The following ITGAV variants were observed in gnomAD, a reference collection of about 807,000 sequenced individuals.
The protein encoded by ITGAV is integrin subunit alpha V.
In ITGAV, 76 loss-of-function variants were observed where a neutral mutation model predicts 143.8. The ratio of observed to expected loss-of-function variants is 0.53; its 90% CI spans 0.44 to 0.64. The LOEUF (loss-of-function observed/expected upper bound fraction) is 0.64. Ranked by LOEUF, ITGAV falls within the 30% of genes least tolerant of loss-of-function variation. The pLI is 0.00. For synonymous variants in ITGAV, 453 were observed against 446.7 expected (o/e 1.01, Z -0.18); for missense variants, 1,193 against 1,274.7 (o/e 0.94, Z 0.98).
At chr2:186,638,803 A>G (rs182291493) in intron 10 of ITGAV, among the ~76,000 whole-genome samples, 16 of 151,998 alleles carry the variant, frequency 1.1e-4, no homozygotes, top group Admixed American at 7.9e-4. Flanking sequence ...TAATGATTCC[A>G]TAATATTCAA....
chr2:186,666,171 G>C (rs906711418), intron 21 of ITGAV, among the ~76,000 whole-genome samples: 6 of 152,046 alleles, frequency 3.9e-5, no homozygotes, highest in African/African-American at 1.4e-4. Flanking sequence ...TGTACCTGGT[G>C]GTTCAATTGT....
chr2:186,613,642 G>A (rs1426927380), intron 2 of ITGAV, among the ~76,000 whole-genome samples: 1 of 152,088 alleles, frequency 6.6e-6, no homozygotes, highest in Admixed American at 6.5e-5. Context: ...GCCATTTTAA[G>A]TCAATACAGG....
chr2:186,653,039 G>C (rs943088493), intron 15 of ITGAV, among the ~76,000 whole-genome samples: 1 of 147,288 alleles, frequency 6.8e-6, no homozygotes, highest in Non-Finnish European at 1.5e-5. Context: ...TCCGCTTCCC[G>C]GGTTCACGCC....
chr2:186,613,650 A>G (rs1429583871), intron 2 of ITGAV, among the ~76,000 whole-genome samples: 2 of 152,168 alleles, frequency 1.3e-5, no homozygotes, highest in African/African-American at 2.4e-5. Flanking sequence ...AAGTCAATAC[A>G]GGTAAGTTTC....
intron 2 of ITGAV, among the ~76,000 whole-genome samples, chr2:186,607,599 G>T (rs1298846038): frequency 6.6e-6 from 1 of 152,076 alleles, no homozygotes; most frequent in African/African-American, 2.4e-5. Flanking sequence ...AAAATCTATT[G>T]TTCTTTTTAA....
At chr2:186,652,533 A>G (rs1318668718) in intron 15 of ITGAV, among the ~76,000 whole-genome samples, 1 of 152,222 alleles carries the variant, frequency 6.6e-6, no homozygotes, top group Non-Finnish European at 1.5e-5. Context: ...TTATAGAAAT[A>G]GTGCTCCAAA....
chr2:186,640,953 C>T lies in ITGAV; in HGVS notation c.942C>T (p.Asp314=). 1 of 1,596,492 alleles carries T rather than the reference C, an allele frequency of 6.3e-7. No individual in the cohort carries two copies. The highest frequency in any genetic ancestry group is 1.3e-5 in the African/African-American group (1 of 74,672). ...AYFGFSVAAT[D]INGDDYADVF... is the part of the protein sequence containing the mutation. The stretch of plus-strand genomic sequence containing the variant: ...TCGGATTTTCTGTAGCTGCCACTGA[C>T]ATTAATGGAGATGAGTAAGTTTAAA... Residue 314 remains aspartate (D), a synonymous_variant, in exon 11 of 30, where the codon GAC becomes GAT. Coordinates refer to ENST00000261023, the MANE Select transcript of ITGAV (RefSeq NM_002210.5).
intron 2 of ITGAV, among the ~76,000 whole-genome samples, chr2:186,607,930 T>C (rs1336402673): frequency 6.6e-6 from 1 of 152,146 alleles, no homozygotes; most frequent in Non-Finnish European, 1.5e-5. Flanking sequence ...GTTCCTTGAG[T>C]ATAGTGACAC....
At chr2:186,613,093 C>G (rs192509118) in intron 2 of ITGAV, among the ~76,000 whole-genome samples, 12 of 151,046 alleles carry the variant, frequency 7.9e-5, no homozygotes, top group African/African-American at 2.9e-4. Context: ...TTCTTCCTTT[C>G]CCTGCTCACT....
intron 17 of ITGAV, among the ~76,000 whole-genome samples, chr2:186,657,929 T>C (rs1688635444): frequency 6.6e-6 from 1 of 151,236 alleles, no homozygotes; most frequent in South Asian, 2.1e-4. Flanking sequence ...ACAAGACTTC[T>C]CAATTTTAAA....
Position 186,661,575 on chromosome 2 carries a change from C to G in ITGAV, c.1858-2193C>G, listed in dbSNP as rs568777455. The stretch of plus-strand genomic sequence containing the variant: ...TTCTCTCATTTTTTTCATTCAAATA[C>G]ACATTAAGTTTTTTTTGTTTTTGTT... On this transcript the variant is annotated intron_variant, in intron 18 of 29. Coordinates refer to ENST00000261023, the MANE Select transcript of ITGAV (RefSeq NM_002210.5). Among the ~76,000 whole-genome samples the G allele has an allele frequency of 1.3e-5, 2 of 148,772 alleles. 1 individual carries two copies. Among genetic ancestry groups the G allele is most frequent in the African/African-American group, 5.0e-5 (2 of 40,286 alleles).
chr2:186,602,876 TA>T (rs11297809), intron 2 of ITGAV, among the ~76,000 whole-genome samples: 113,029 of 130,944 alleles, frequency 0.86, 48,770 homozygotes, highest in East Asian at 0.92. Flanking sequence ...GACTCCATCT[TA>T]AAAAAAAAAA....
chr2:186,652,902 C>T (rs1429363133), intron 15 of ITGAV, among the ~76,000 whole-genome samples: 4 of 145,156 alleles, frequency 2.8e-5, no homozygotes, highest in Admixed American at 1.4e-4. Flanking sequence ...TATGCTACTT[C>T]AGTAATTTTT....
rs61763621 is a variant in ITGAV, at chr2:186,599,694, G to A, written c.186-2327G>A. Among the ~76,000 whole-genome samples, 1,059 of 152,212 alleles carry A rather than the reference G, an allele frequency of 7.0e-3. 13 individuals carry two copies. Among genetic ancestry groups the A allele is most frequent in the African/African-American group, 0.025 (1,023 of 41,538 alleles). On this transcript the variant is annotated intron_variant, in intron 1 of 29. Coordinates refer to ENST00000261023, the MANE Select transcript of ITGAV (RefSeq NM_002210.5). ...GAATTGTTTTATTCTTTGTAGAGAT[G>A]GGGGTCTTACTATGTTGCCTAGGCT... is the stretch of plus-strand genomic sequence containing the variant.
chr2:186,603,823 G>T (rs1240951895), intron 2 of ITGAV, among the ~76,000 whole-genome samples: 4 of 151,344 alleles, frequency 2.6e-5, no homozygotes, highest in Non-Finnish European at 5.9e-5. Flanking sequence ...GGTGTACAAT[G>T]AAACATACAA....
chr2:186,612,073 A>G (rs768507653), intron 2 of ITGAV, among the ~76,000 whole-genome samples: 8 of 152,238 alleles, frequency 5.3e-5, no homozygotes, highest in Non-Finnish European at 1.0e-4. Context: ...CTAAATAAAT[A>G]CGGAAAAGGA....
chr2:186,600,230 C>A, intron 1 of ITGAV: 1 of 1,060,022 alleles, frequency 9.4e-7, no homozygotes, highest in Non-Finnish European at 1.4e-6. Flanking sequence ...AGATTCAATT[C>A]TTTCTTGCCA....
intron 10 of ITGAV, 69 bp from the exon 11 acceptor site, chr2:186,640,846 A>G: frequency 8.1e-7 from 1 of 1,241,196 alleles, no homozygotes; most frequent in South Asian, 1.3e-5. Context: ...TGGTACATAT[A>G]TTACAAATGT....
intron 4 of ITGAV, among the ~76,000 whole-genome samples, chr2:186,628,467 A>T (rs919435886): frequency 6.6e-6 from 1 of 152,102 alleles, no homozygotes; most frequent in Non-Finnish European, 1.5e-5. Context: ...TAACTGCATG[A>T]TAAAACCTCA....
Sources: gnomAD v4.1 joint callset for allele counts (sites outside exome capture counted in the v4.1 genomes callset) on GRCh38, gnomAD v4.1.1 for gene constraint, MANE v1.5 for transcripts, NCBI Gene and HGNC (gene_info 2026-07-23, HGNC 2026-07-21) for gene names.